DPP10: variants seen among roughly 807,000 people sequenced by gnomAD.
The protein encoded by DPP10 is inactive dipeptidyl peptidase 10.
Under a neutral mutation model 120.9 loss-of-function variants are expected in DPP10, and 33 were observed. The ratio of observed to expected loss-of-function variants is 0.27; its 90% confidence interval spans 0.21 to 0.37. The LOEUF is 0.37. DPP10 is among the 10% of genes least tolerant of loss of function. DPP10 has a pLI of 1.00. For missense variants in DPP10, 816 were observed against 942.8 expected (o/e 0.87, Z 1.76); for synonymous variants, 337 against 326.1 (o/e 1.03, Z -0.36).
chr2:114,669,578 T>G (rs1042962058), intron 1 of DPP10, among the ~76,000 whole-genome samples: 24 of 152,240 alleles, frequency 1.6e-4, no homozygotes, highest in African/African-American at 5.3e-4. Context: ...AATAGCAATT[T>G]TCATGTAAAT....
intron 1 of DPP10, among the ~76,000 whole-genome samples, chr2:115,055,295 A>G (rs543329940): frequency 7.0e-4 from 107 of 152,292 alleles, no homozygotes; most frequent in Middle Eastern, 6.8e-3. Context: ...TCTAATTTTC[A>G]TAAGTTACAG....
chr2:115,380,925 G>T (rs1373972957), intron 3 of DPP10, among the ~76,000 whole-genome samples: 4 of 152,196 alleles, frequency 2.6e-5, no homozygotes, highest in South Asian at 4.1e-4. Context: ...GAGATCCGCT[G>T]TTAGTCTGAT....
chr2:114,873,111 C>A (rs1231302537), intron 1 of DPP10, among the ~76,000 whole-genome samples: 1 of 152,162 alleles, frequency 6.6e-6, no homozygotes, highest in Non-Finnish European at 1.5e-5. Flanking sequence ...TGTGTCTGCA[C>A]TGAGAGCATC....
chr2:115,219,271 C>T (rs1296411438), intron 1 of DPP10, among the ~76,000 whole-genome samples: 4 of 152,018 alleles, frequency 2.6e-5, no homozygotes, highest in African/African-American at 4.8e-5. Context: ...CCAAAATTCT[C>T]GAAAATGAAC....
intron 1 of DPP10, among the ~76,000 whole-genome samples, chr2:115,253,196 A>AAACAACC: frequency 6.6e-6 from 1 of 152,074 alleles, no homozygotes; most frequent in South Asian, 2.1e-4. Context: ...CACACACTTT[A>AAACAACC]AACAACCAGA....
chr2:114,696,250 A>G (rs1264311140), intron 1 of DPP10, among the ~76,000 whole-genome samples: 1 of 152,052 alleles, frequency 6.6e-6, no homozygotes, highest in Non-Finnish European at 1.5e-5. Context: ...TTCTGTCCCT[A>G]AATTTGTCCA....
chr2:114,533,090 G>T (rs186067227), intron 1 of DPP10, among the ~76,000 whole-genome samples: 1 of 152,256 alleles, frequency 6.6e-6, no homozygotes, highest in Non-Finnish European at 1.5e-5. Context: ...TGCTTACCAA[G>T]GAATTTTATT....
chr2:114,463,777 TCTC>T (rs752572544), intron 1 of DPP10, among the ~76,000 whole-genome samples: 2 of 152,212 alleles, frequency 1.3e-5, no homozygotes, highest in Non-Finnish European at 2.9e-5. Context: ...CCTAAAAGAA[TCTC>T]CTGTGCTTCA....
intron 5 of DPP10, among the ~76,000 whole-genome samples, chr2:115,635,820 C>G (rs912598048): frequency 1.4e-4 from 22 of 152,074 alleles, no homozygotes; most frequent in Non-Finnish European, 2.8e-4. Flanking sequence ...GAATGATAGA[C>G]TAGAAAACTC....
At chr2:115,116,549 T>C (rs1310871160) in intron 1 of DPP10, among the ~76,000 whole-genome samples, 1 of 152,174 alleles carries the variant, frequency 6.6e-6, no homozygotes, top group Non-Finnish European at 1.5e-5. Context: ...TACCTTTTGT[T>C]AGTTTCCTGT....
chr2:115,279,441 AC>A (rs2060050655), intron 1 of DPP10, among the ~76,000 whole-genome samples: 1 of 152,026 alleles, frequency 6.6e-6, no homozygotes, highest in Admixed American at 6.6e-5. Flanking sequence ...AGGTCCATGA[AC>A]TGCTTGTTAT....
chr2:115,621,680 T>C (rs1050454510), intron 5 of DPP10, among the ~76,000 whole-genome samples: 4 of 152,032 alleles, frequency 2.6e-5, no homozygotes, highest in African/African-American at 9.7e-5. Context: ...ATTTTTGGTT[T>C]GTTTGTTTGT....
At chr2:115,265,871 G>A (rs113255004) in intron 1 of DPP10, among the ~76,000 whole-genome samples, 219 of 151,896 alleles carry the variant, frequency 1.4e-3, no homozygotes, top group African/African-American at 5.1e-3. Context: ...TTGAACCCGG[G>A]AGGTTGAGAC....
At position 115,721,043 on chromosome 2, in the gene DPP10, G is replaced by A. The variant is rs560420295; in HGVS notation, c.577-6773G>A. Among the ~76,000 whole-genome samples, 5 of 152,284 alleles carry A rather than the reference G, an allele frequency of 3.3e-5. No individual in the cohort carries two copies. In the East Asian group the frequency reaches 5.8e-4, roughly 18 times the overall value. On this transcript the variant is annotated intron_variant, in intron 7 of 25. Coordinates refer to ENST00000410059, the MANE Select transcript of DPP10 (RefSeq NM_020868.6). ...TATGCAACCAGTGCTAAAAAGAGCC[G>A]CAGTGATTGACTCTGGAAGGTGAAG...
chr2:115,408,802 T>A (rs1338693105), intron 3 of DPP10, among the ~76,000 whole-genome samples: 1 of 152,154 alleles, frequency 6.6e-6, no homozygotes, highest in Non-Finnish European at 1.5e-5. Context: ...GCTGATGGAA[T>A]GTGGGTAAGC....
At chr2:114,470,575 A>T (rs989589224) in intron 1 of DPP10, among the ~76,000 whole-genome samples, 10 of 152,112 alleles carry the variant, frequency 6.6e-5, no homozygotes, top group Admixed American at 6.5e-4. Flanking sequence ...TAATATCGAC[A>T]ATCTCATTTT....
At chr2:115,585,292 A>C (rs2082220193) in intron 5 of DPP10, among the ~76,000 whole-genome samples, 1 of 152,228 alleles carries the variant, frequency 6.6e-6, no homozygotes, top group African/African-American at 2.4e-5. Flanking sequence ...AATTACAATG[A>C]TTAACTCAGA....
intron 12 of DPP10, among the ~76,000 whole-genome samples, chr2:115,763,980 T>G (rs1282654855): frequency 6.6e-6 from 1 of 152,184 alleles, no homozygotes. Flanking sequence ...CTTTCTTATA[T>G]GAAGCCTATT....
chr2:114,869,322 T>G (rs768701708), intron 1 of DPP10, among the ~76,000 whole-genome samples: 5 of 152,160 alleles, frequency 3.3e-5, no homozygotes, highest in African/African-American at 1.2e-4. Flanking sequence ...TATTGCGCAC[T>G]GTTTGTTGTT....
Sources: allele counts gnomAD v4.1 joint callset (sites outside exome capture counted in the v4.1 genomes callset), GRCh38; gene constraint gnomAD v4.1.1; transcripts MANE v1.5; gene names NCBI Gene and HGNC (gene_info 2026-07-23, HGNC 2026-07-21).